The following CACHD1 variants were observed in gnomAD, a reference collection of about 807,000 sequenced individuals.
The protein encoded by CACHD1 is cache domain containing 1.
In CACHD1, 71 loss-of-function variants were observed where a neutral mutation model predicts 138.7. The observed-to-expected ratio is 0.51, with a 90% CI of 0.42 to 0.62. The LOEUF (loss-of-function observed/expected upper bound fraction) is 0.62, where lower values mean the gene tolerates loss of function less well. Among genes scored for constraint, CACHD1 ranks in the 20% least tolerant of loss-of-function variants. CACHD1 has a pLI of 0.00. For synonymous variants in CACHD1, 578 were observed against 591.5 expected (o/e 0.98, Z 0.33); for missense variants, 1,389 against 1,625.3 (o/e 0.85, Z 2.50).
Position 64,632,583 on chromosome 1 carries a change from C to G in CACHD1, c.645-16C>G. 1 of 1,613,336 alleles carries G rather than the reference C, an allele frequency of 6.2e-7. No homozygotes were observed. The highest frequency in any genetic ancestry group is 8.5e-7 in the Non-Finnish European group (1 of 1,179,854). The stretch of plus-strand genomic sequence containing the variant: ...CTAAACCAAGACTGACCCCAGAGAG[C>G]TTCTTCTCCCTCCAGACCCATCTAC... On this transcript the variant is annotated splice_polypyrimidine_tract_variant and intron_variant, in intron 5 of 26. Coordinates refer to ENST00000651257, the MANE Select transcript of CACHD1 (RefSeq NM_020925.4).
intron 1 of CACHD1, among the ~76,000 whole-genome samples, chr1:64,484,230 T>TG (rs926457542): frequency 2.0e-5 from 3 of 151,610 alleles, no homozygotes; most frequent in African/African-American, 7.3e-5. Context: ...GGGGAGGGGC[T>TG]GGGGGCCTAG....
intron 1 of CACHD1, among the ~76,000 whole-genome samples, chr1:64,538,336 C>G (rs1348972278): frequency 6.6e-6 from 1 of 152,080 alleles, no homozygotes; most frequent in Non-Finnish European, 1.5e-5. Flanking sequence ...GGGTACTCCC[C>G]CCTGCAGCAG....
At chr1:64,535,191 C>G (rs183359282) in intron 1 of CACHD1, among the ~76,000 whole-genome samples, 1 of 152,136 alleles carries the variant, frequency 6.6e-6, no homozygotes, top group African/African-American at 2.4e-5. Flanking sequence ...GTCCCTTTTG[C>G]CCCCTCTAAG....
intron 2 of CACHD1, among the ~76,000 whole-genome samples, chr1:64,565,834 T>C (rs1646876817): frequency 6.6e-6 from 1 of 152,204 alleles, no homozygotes; most frequent in Non-Finnish European, 1.5e-5. Context: ...AAGTATAAAT[T>C]GTTCAAGACC....
Position 64,632,717 on chromosome 1 carries a change from C to T in CACHD1, c.763C>T (p.Leu255Phe), listed in dbSNP as rs1156263658. 3.1e-6 allele frequency: 5 copies of T among 1,614,044 alleles called. No homozygotes were observed. Among genetic ancestry groups the T allele is most frequent in the Non-Finnish European group, 4.2e-6 (5 of 1,180,014 alleles). The change falls in exon 6 of 27, where the codon CTC becomes TTC. Residue 255 changes from leucine to phenylalanine, a missense_variant. This residue lies in a region of CACHD1 where 1,000 missense variants were observed against 1,114.7 expected (regional missense o/e 0.90). Coordinates refer to ENST00000651257, the MANE Select transcript of CACHD1 (RefSeq NM_020925.4). ...TGCCAAGGACGCTGCTCAGGTCATC[C>T]TCAGCGCCATCGATGAACATGACAA... The part of the protein sequence containing the change: ...QIAKDAAQVI[L>F]SAIDEHDKIS...
intron 14 of CACHD1, 63 bp downstream of exon 14, chr1:64,663,900 G>A: frequency 6.2e-7 from 1 of 1,601,890 alleles, no homozygotes; most frequent in Non-Finnish European, 8.5e-7. Context: ...AGGGGGTGCT[G>A]GCAGTGAACC....
chr1:64,538,028 A>G (rs945608234), intron 1 of CACHD1, among the ~76,000 whole-genome samples: 1 of 152,208 alleles, frequency 6.6e-6, no homozygotes, highest in Non-Finnish European at 1.5e-5. Flanking sequence ...TCATTCAGTC[A>G]AGATGTTAGT....
intron 1 of CACHD1, among the ~76,000 whole-genome samples, chr1:64,509,199 G>T (rs1646400250): frequency 6.6e-6 from 1 of 152,086 alleles, no homozygotes; most frequent in African/African-American, 2.4e-5. Flanking sequence ...TCATCTCTTT[G>T]AACTGTCATT....
chr1:64,667,280 A>C (rs1481925226), intron 16 of CACHD1, among the ~76,000 whole-genome samples: 1 of 152,136 alleles, frequency 6.6e-6, no homozygotes, highest in Non-Finnish European at 1.5e-5. Context: ...TTCTTGCTTA[A>C]GTTTATGCTT....
intron 4 of CACHD1, among the ~76,000 whole-genome samples, chr1:64,626,326 A>G (rs894985209): frequency 1.3e-5 from 2 of 152,240 alleles, no homozygotes; most frequent in Non-Finnish European, 2.9e-5. Context: ...AATTTTTGGA[A>G]AGCAATCAAA....
rs143875473 is a variant in CACHD1, at chr1:64,529,442, C to T, written c.199-21152C>T. On this transcript the variant is annotated intron_variant, in intron 1 of 26. Coordinates refer to ENST00000651257, the MANE Select transcript of CACHD1 (RefSeq NM_020925.4). ...TCAATACTTCGCAACCAATCTACAA[C>T]GGAGAGCTCAAAAATGCCCCTTGTA... Among the ~76,000 whole-genome samples the T allele has an allele frequency of 9.8e-5, 15 of 152,288 alleles. No homozygotes were observed. In the East Asian group the frequency reaches 2.1e-3, roughly 22 times the overall value.
At position 64,664,480 on chromosome 1, in the gene CACHD1, T is replaced by A; in HGVS notation, c.2095-18T>A. On this transcript the variant is annotated intron_variant, in intron 14 of 26. Coordinates refer to ENST00000651257, the MANE Select transcript of CACHD1 (RefSeq NM_020925.4). ...TGAGTTTTAAAGGATCCCTGCTATG[T>A]CTTCCTTTGTTTCCCAGTTCTCTGT... The A allele has an allele frequency of 6.2e-7, 1 of 1,612,804 alleles. No individual in the cohort carries two copies. The highest frequency in any genetic ancestry group is 8.5e-7 in the Non-Finnish European group (1 of 1,178,864).
intron 4 of CACHD1, among the ~76,000 whole-genome samples, chr1:64,619,036 T>A (rs1033329891): frequency 1.3e-5 from 2 of 152,108 alleles, no homozygotes; most frequent in Non-Finnish European, 2.9e-5. Context: ...CAAAAATCCA[T>A]CTTTTTCCCA....
intron 1 of CACHD1, among the ~76,000 whole-genome samples, chr1:64,483,874 C>A (rs1280747384): frequency 6.8e-6 from 1 of 146,168 alleles, no homozygotes; most frequent in Non-Finnish European, 1.5e-5. Context: ...TCCCCCCCCC[C>A]CTTGCATATA....
chr1:64,674,695 G>A (rs1371804561), intron 19 of CACHD1, among the ~76,000 whole-genome samples: 1 of 152,174 alleles, frequency 6.6e-6, no homozygotes, highest in African/African-American at 2.4e-5. Context: ...TGAATGGCAT[G>A]AAACAAGCTT....
Position 64,599,522 on chromosome 1 carries a change from G to A in CACHD1, c.411-3284G>A, listed in dbSNP as rs192025842. Among the ~76,000 whole-genome samples the A allele has an allele frequency of 9.2e-5, 14 of 152,110 alleles. No homozygotes were observed. In the East Asian group the frequency reaches 2.3e-3, roughly 25 times the overall value. ...TCGAACAGAAGAGCACATAGGGAGG[G>A]GCCAGTTTCGTTAGAAGTGTAGGAT... On this transcript the variant is annotated intron_variant, in intron 3 of 26. Transcript: ENST00000651257.
At chr1:64,636,877 T>G (rs2100650538) in intron 7 of CACHD1, among the ~76,000 whole-genome samples, 1 of 152,274 alleles carries the variant, frequency 6.6e-6, no homozygotes, top group African/African-American at 2.4e-5. Flanking sequence ...TAGAAGCAAG[T>G]TACAGGTTAT....
intron 1 of CACHD1, among the ~76,000 whole-genome samples, chr1:64,496,988 G>A (rs1025709685): frequency 4.0e-5 from 6 of 151,868 alleles, no homozygotes; most frequent in South Asian, 2.1e-4. Context: ...TTTTTAACCC[G>A]AGGGGTCTTC....
rs950956362 is a variant in CACHD1, at chr1:64,611,972, T to C, written c.517+9060T>C. Reference sequence around the variant, plus strand: ...GGAGGCCTCGGGAAACTTGTAATCATGTTGGAAGGCAAAGGGCAAGCAAGG... The same window carrying C: ...GGAGGCCTCGGGAAACTTGTAATCACGTTGGAAGGCAAAGGGCAAGCAAGG... On this transcript the variant is annotated intron_variant, in intron 4 of 26. Transcript: ENST00000651257. 2.0e-5 allele frequency among the ~76,000 whole-genome samples: 3 copies of C among 152,160 alleles called. No homozygotes were observed. The East Asian group carries it at 5.8e-4, about 29-fold the overall frequency.
Sources: allele counts gnomAD v4.1 joint callset (sites outside exome capture counted in the v4.1 genomes callset), GRCh38; gene constraint gnomAD v4.1.1; regional missense constraint gnomAD v4.1.1; transcripts MANE v1.5; gene names NCBI Gene and HGNC (gene_info 2026-07-23, HGNC 2026-07-21).